MAP3K15: variants seen among roughly 807,000 people sequenced by gnomAD.
MAP3K15 encodes mitogen-activated protein kinase kinase kinase 15.
In MAP3K15, 124 loss-of-function variants were observed where a neutral mutation model predicts 99.5. The observed-to-expected ratio is 1.25, with a 90% CI of 1.08 to 1.45. MAP3K15 has a LOEUF of 1.45. Ranked by LOEUF, MAP3K15 falls within the 40% of genes most tolerant of loss-of-function variation. The pLI, the probability that MAP3K15 is intolerant of heterozygous loss-of-function variation, is 0.00. For missense variants in MAP3K15, 1,242 were observed against 1,079.7 expected (o/e 1.15, Z -2.11); for synonymous variants, 494 against 439.6 (o/e 1.12, Z -1.55).
At chrX:19,374,335 G>A (rs142140038) in intron 20 of MAP3K15, 142 bp downstream of exon 20, 34 of 525,714 alleles carry the variant, frequency 6.5e-5, no homozygotes, top group African/African-American at 6.4e-4. Flanking sequence ...CACAGGCCCC[G>A]TCACTCTTCA....
At chrX:19,417,472 C>T (rs2063745815) in intron 9 of MAP3K15, among the ~76,000 whole-genome samples, 1 of 111,992 alleles carries the variant, frequency 8.9e-6, no homozygotes, top group Admixed American at 9.4e-5. Flanking sequence ...GATCAAACTG[C>T]AAGGCGGCAG....
intron 12 of MAP3K15, among the ~76,000 whole-genome samples, chrX:19,408,280 A>T (rs926657891): frequency 1.8e-4 from 20 of 111,801 alleles, no homozygotes; most frequent in South Asian, 7.5e-4. Context: ...TGGCACCTAG[A>T]GGTATCTCTA....
chrX:19,409,441 C>T (rs1388229737), intron 12 of MAP3K15, among the ~76,000 whole-genome samples: 1 of 111,296 alleles, frequency 9.0e-6, no homozygotes, highest in Non-Finnish European at 1.9e-5. Flanking sequence ...CAGGCTCAAA[C>T]TGTCATCACT....
intron 19 of MAP3K15, 107 bp from the exon 20 acceptor site, chrX:19,374,767 A>AT (rs1177206922): frequency 4.3e-6 from 3 of 702,013 alleles, no homozygotes; most frequent in Non-Finnish European, 6.4e-6. Flanking sequence ...CAGGACAGGC[A>AT]TAATCCATGC....
intron 2 of MAP3K15, among the ~76,000 whole-genome samples, chrX:19,486,794 A>G (rs2064329246): frequency 9.0e-6 from 1 of 111,377 alleles, no homozygotes; most frequent in African/African-American, 3.3e-5. Flanking sequence ...AACAGGGCCA[A>G]TGCTTTTGCC....
At chrX:19,396,090 A>ACTCTGTGTACTC (rs2063566336) in intron 15 of MAP3K15, among the ~76,000 whole-genome samples, 1 of 111,182 alleles carries the variant, frequency 9.0e-6, no homozygotes, top group African/African-American at 3.3e-5. Context: ...TTCTAAAAAC[A>ACTCTGTGTACTC]CTCTGTGTAC....
intron 4 of MAP3K15, 134 bp downstream of exon 4, chrX:19,464,079 A>G (rs996275048): frequency 3.8e-5 from 19 of 500,574 alleles, no homozygotes; most frequent in Admixed American, 2.0e-4. Flanking sequence ...TCAGTGGCCC[A>G]GCTAAGTGAG....
At chrX:19,489,271 T>C (rs1892808090) in intron 1 of MAP3K15, among the ~76,000 whole-genome samples, 1 of 111,425 alleles carries the variant, frequency 9.0e-6, no homozygotes. Context: ...ATTTAGCTTA[T>C]ATATGAGGCA....
At chrX:19,371,088 ATAAAC>A (rs776984201) in intron 23 of MAP3K15, 24 bp from the exon 24 acceptor site, 2 of 1,046,372 alleles carry the variant, frequency 1.9e-6, no homozygotes, top group Non-Finnish European at 2.5e-6. Context: ...AAATAATAAA[ATAAAC>A]TAAAATCACA....
intron 3 of MAP3K15, among the ~76,000 whole-genome samples, chrX:19,470,319 C>T (rs1017056550): frequency 7.2e-5 from 8 of 110,845 alleles, no homozygotes; most frequent in African/African-American, 2.0e-4. Flanking sequence ...TCAAACACCA[C>T]ATGTTCTCAC....
intron 17 of MAP3K15, 61 bp downstream of exon 17, chrX:19,392,282 C>T (rs764911580): frequency 1.8e-4 from 212 of 1,151,635 alleles, no homozygotes; most frequent in Non-Finnish European, 2.3e-4. Flanking sequence ...CAGACACCAT[C>T]GACAGCTCTC....
chrX:19,459,903 A>T (rs1052889622), intron 5 of MAP3K15, 82 bp downstream of exon 5: 1 of 732,282 alleles, frequency 1.4e-6, no homozygotes, highest in Non-Finnish European at 1.9e-6. Context: ...CCACATACTG[A>T]GTATACAAAT....
At chrX:19,404,481 T>G (rs891395444) in intron 13 of MAP3K15, among the ~76,000 whole-genome samples, 3 of 112,067 alleles carry the variant, frequency 2.7e-5, no homozygotes, top group Admixed American at 1.9e-4. Flanking sequence ...GCCATTTTTC[T>G]ACAGAAATTG....
At chrX:19,390,899 T>C (rs906615972) in intron 18 of MAP3K15, among the ~76,000 whole-genome samples, 2 of 111,169 alleles carry the variant, frequency 1.8e-5, no homozygotes, top group African/African-American at 6.5e-5. Context: ...TGGGGGACTA[T>C]AAACCTTTAC....
intron 3 of MAP3K15, among the ~76,000 whole-genome samples, chrX:19,474,552 G>GT (rs755236065): frequency 3.2e-5 from 3 of 94,757 alleles, no homozygotes; most frequent in African/African-American, 3.7e-5. Flanking sequence ...TTGGGGGGGG[G>GT]GGTCTGTGAA....
At chrX:19,384,988 T>C (rs2063485761) in intron 18 of MAP3K15, among the ~76,000 whole-genome samples, 1 of 111,281 alleles carries the variant, frequency 9.0e-6, no homozygotes, top group African/African-American at 3.3e-5. Context: ...TTTAAAAATA[T>C]GGAGCCATGG....
intron 7 of MAP3K15, among the ~76,000 whole-genome samples, chrX:19,427,862 C>T (rs2063844506): frequency 9.0e-6 from 1 of 110,715 alleles, no homozygotes; most frequent in South Asian, 4.0e-4. Flanking sequence ...AATACAAATA[C>T]CCTCAGATCA....
intron 8 of MAP3K15, among the ~76,000 whole-genome samples, 177 bp downstream of exon 8, chrX:19,426,054 G>A (rs1305729397): frequency 4.5e-5 from 5 of 111,266 alleles, no homozygotes; most frequent in Admixed American, 1.9e-4. Flanking sequence ...CTCGGGAGGC[G>A]GAGGTTGCAG....
At chrX:19,372,361 C>T (rs1288654077) in intron 22 of MAP3K15, among the ~76,000 whole-genome samples, 2 of 111,456 alleles carry the variant, frequency 1.8e-5, no homozygotes, top group East Asian at 5.7e-4. Context: ...GAAGGTGCTT[C>T]GGGCTTTCTG....
Sources: gnomAD v4.1 joint callset for allele counts (sites outside exome capture counted in the v4.1 genomes callset) on GRCh38, gnomAD v4.1.1 for gene constraint, MANE v1.5 for transcripts, NCBI Gene and HGNC (gene_info 2026-07-23, HGNC 2026-07-21) for gene names.